Variants in CLTCL1 observed in about 807,000 individuals in gnomAD.
The protein encoded by CLTCL1 is clathrin heavy chain like 1, also known as clathrin heavy chain 2.
CLTCL1 carries 159 observed loss-of-function variants against 190.0 expected under a neutral mutation model. That is an observed-to-expected ratio of 0.84 (90% CI 0.74 to 0.95). The LOEUF is 0.95. Among genes scored for constraint, CLTCL1 ranks in the 40% least tolerant of loss-of-function variants. The probability of loss-of-function intolerance (pLI) is 0.00; values close to 1 mark genes in which losing one functional copy is unlikely to be tolerated. For synonymous variants in CLTCL1, 752 were observed against 769.6 expected (o/e 0.98, Z 0.38); for missense variants, 1,878 against 2,033.4 (o/e 0.92, Z 1.47).
At chr22:19,249,860 TA>T (rs782406842) in intron 3 of CLTCL1, 3,026 of 374,676 alleles carry the variant, frequency 8.1e-3, no homozygotes, top group South Asian at 0.013. Context: ...TTTTGAAACT[TA>T]AAAAAAAAAT....
chr22:19,267,889 C>G (rs539636739), intron 2 of CLTCL1, among the ~76,000 whole-genome samples: 26 of 149,804 alleles, frequency 1.7e-4, no homozygotes, highest in Middle Eastern at 3.4e-3. Flanking sequence ...GAACAAGACT[C>G]TGTCTCAAAA....
chr22:19,217,420 T>C (rs1357509705), intron 18 of CLTCL1, among the ~76,000 whole-genome samples: 2 of 151,796 alleles, frequency 1.3e-5, no homozygotes, highest in African/African-American at 4.8e-5. Flanking sequence ...ATCGAGACCA[T>C]CCTGGCTAAC....
chr22:19,201,118 T>A (rs1221377217), intron 23 of CLTCL1, among the ~76,000 whole-genome samples: 1 of 152,236 alleles, frequency 6.6e-6, no homozygotes, highest in Non-Finnish European at 1.5e-5. Flanking sequence ...CTATTAAGGC[T>A]ACCTCTGGGG....
intron 3 of CLTCL1, among the ~76,000 whole-genome samples, chr22:19,245,471 C>T (rs1302801587): frequency 6.6e-5 from 10 of 152,184 alleles, no homozygotes; most frequent in African/African-American, 2.4e-4. Flanking sequence ...GGATTACAGG[C>T]GTAAGCCACC....
chr22:19,272,195 C>T (rs1340769315), intron 2 of CLTCL1, among the ~76,000 whole-genome samples: 1 of 152,154 alleles, frequency 6.6e-6, no homozygotes, highest in Non-Finnish European at 1.5e-5. Flanking sequence ...CCACTAAAAT[C>T]ACAAGCAACA....
At chr22:19,189,936 T>C (rs1601447658) in intron 27 of CLTCL1, among the ~76,000 whole-genome samples, 2 of 152,296 alleles carry the variant, frequency 1.3e-5, no homozygotes, top group East Asian at 1.9e-4. Flanking sequence ...TTTAGCTATT[T>C]TGAAATGCAC....
chr22:19,229,043 A>G (rs1488086095), intron 11 of CLTCL1, among the ~76,000 whole-genome samples: 1 of 152,222 alleles, frequency 6.6e-6, no homozygotes, highest in Admixed American at 6.5e-5. Flanking sequence ...CAAAAAGGTA[A>G]ACATAGAATT....
chr22:19,231,633 TAGTA>T (rs1201986594), intron 10 of CLTCL1, among the ~76,000 whole-genome samples: 4 of 152,228 alleles, frequency 2.6e-5, no homozygotes, highest in African/African-American at 7.2e-5. Context: ...TAATATGCCT[TAGTA>T]AGATGTGAAA....
chr22:19,183,312 G>C (rs1375371152), intron 30 of CLTCL1, 78 bp downstream of exon 30: 1 of 1,322,876 alleles, frequency 7.6e-7, no homozygotes, highest in East Asian at 2.5e-5. Context: ...CCACCCTTAA[G>C]ACCTGCGGCC....
chr22:19,235,396 T>C (rs1432209699), intron 6 of CLTCL1, among the ~76,000 whole-genome samples: 4 of 152,194 alleles, frequency 2.6e-5, no homozygotes, highest in African/African-American at 4.8e-5. Flanking sequence ...TTAAATACCA[T>C]AGTATCTGCT....
chr22:19,211,461 G>A (rs1344979886), intron 19 of CLTCL1, among the ~76,000 whole-genome samples: 2 of 152,058 alleles, frequency 1.3e-5, no homozygotes, highest in Non-Finnish European at 2.9e-5. Context: ...AGAAAGCACA[G>A]GCAGCACTAG....
intron 1 of CLTCL1, among the ~76,000 whole-genome samples, chr22:19,280,479 A>C (rs2146332122): frequency 6.6e-6 from 1 of 152,270 alleles, no homozygotes; most frequent in Admixed American, 6.5e-5. Flanking sequence ...GGAAATTCTG[A>C]CACATGCTAC....
chr22:19,217,485 G>A (rs372821386), intron 18 of CLTCL1, among the ~76,000 whole-genome samples: 7 of 151,500 alleles, frequency 4.6e-5, no homozygotes, highest in Non-Finnish European at 7.4e-5. Flanking sequence ...GCGTGGTGGC[G>A]GGCGCCTGTA....
chr22:19,268,553 T>G (rs2087197682), intron 2 of CLTCL1, among the ~76,000 whole-genome samples: 2 of 152,038 alleles, frequency 1.3e-5, no homozygotes, highest in Admixed American at 6.6e-5. Context: ...AATAGACATT[T>G]CTCAGAAAAT....
intron 23 of CLTCL1, among the ~76,000 whole-genome samples, chr22:19,200,278 T>C (rs999757953): frequency 3.3e-4 from 50 of 152,218 alleles, no homozygotes; most frequent in African/African-American, 1.2e-3. Context: ...GTATACTTAA[T>C]GATAACAAGC....
intron 2 of CLTCL1, among the ~76,000 whole-genome samples, chr22:19,274,040 G>A (rs1346424260): frequency 6.6e-6 from 1 of 152,076 alleles, no homozygotes; most frequent in Non-Finnish European, 1.5e-5. Flanking sequence ...GCTCCGCACT[G>A]CACATTGTTA....
rs145230612 is a variant in CLTCL1 at position 19,278,991 on chromosome 22, C to T, written c.43-3161G>A. 6.7e-3 allele frequency among the ~76,000 whole-genome samples: 1,022 copies of T among 152,260 alleles called. 6 individuals carry two copies. The highest frequency in any genetic ancestry group is 0.024 in the African/African-American group (977 of 41,544). The stretch of plus-strand genomic sequence containing the variant: ...TCCTGACTTGTGGTGATCCACCTGC[C>T]TTGGCCTCCCAAAGTGCTGGGATTA... On this transcript the variant is annotated intron_variant, in intron 1 of 32. Transcript: ENST00000427926.
chr22:19,239,744 C>T (rs73877055), intron 4 of CLTCL1, among the ~76,000 whole-genome samples: 2,003 of 152,216 alleles, frequency 0.013, 45 homozygotes, highest in African/African-American at 0.046. Context: ...GGGTATGGCC[C>T]AGACTCATAC....
chr22:19,266,774 A>G (rs576020122), intron 2 of CLTCL1, among the ~76,000 whole-genome samples: 6 of 152,342 alleles, frequency 3.9e-5, no homozygotes, highest in Non-Finnish European at 7.3e-5. Context: ...TTTATGTAAT[A>G]CACCACACTA....
Sources: gnomAD v4.1 joint callset for allele counts (sites outside exome capture counted in the v4.1 genomes callset) on GRCh38, gnomAD v4.1.1 for gene constraint, MANE v1.5 for transcripts, NCBI Gene and HGNC (gene_info 2026-07-23, HGNC 2026-07-21) for gene names.